The following ACOT12 variants were observed in gnomAD, a reference collection of about 807,000 sequenced individuals.
ACOT12 encodes the protein acetyl-coenzyme A thioesterase.
In ACOT12, 51 loss-of-function variants were observed where a neutral mutation model predicts 67.7. That is an observed-to-expected ratio of 0.75 (90% CI 0.60 to 0.95). The LOEUF is 0.95. ACOT12 is among the 40% of genes least tolerant of loss of function. ACOT12 has a pLI of 0.00. For synonymous variants in ACOT12, 251 were observed against 244.6 expected, an observed-to-expected ratio of 1.03 and a Z score of -0.24; for missense variants, 734 against 708.1, an observed-to-expected ratio of 1.04 and a Z score of -0.41.
At chr5:81,334,191 C>T (rs1169893777) in intron 12 of ACOT12, among the ~76,000 whole-genome samples, 2 of 152,184 alleles carry the variant, frequency 1.3e-5, no homozygotes, top group African/African-American at 4.8e-5. Flanking sequence ...TCCAAGGCCA[C>T]GCGTGAGCCG....
At chr5:81,323,682 G>C in the ACOT12 span, among the ~76,000 whole-genome samples, 3 of 151,948 alleles carry the variant, frequency 2.0e-5, no homozygotes, top group Non-Finnish European at 2.9e-5. Flanking sequence ...TGAGACTGTG[G>C]CTCTTACCCT....
At chr5:81,373,563 T>G (rs1214106766) in intron 2 of ACOT12, among the ~76,000 whole-genome samples, 1 of 151,710 alleles carries the variant, frequency 6.6e-6, no homozygotes, top group East Asian at 1.9e-4. Context: ...GGGAGCCGAG[T>G]GGTCTGGCTT....
chr5:81,368,496 TTC>T, intron 3 of ACOT12, among the ~76,000 whole-genome samples: 1 of 152,232 alleles, frequency 6.6e-6, no homozygotes, highest in South Asian at 2.1e-4. Flanking sequence ...ACAAATTATG[TTC>T]TCTCTCTGCA....
intron 1 of ACOT12, among the ~76,000 whole-genome samples, chr5:81,391,270 C>T (rs1760857615): frequency 6.6e-6 from 1 of 152,218 alleles, no homozygotes; most frequent in Non-Finnish European, 1.5e-5. Context: ...AGTAGCTGTG[C>T]TTTTCCCAAA....
Position 81,335,786 on chromosome 5 carries a change from A to G in ACOT12, c.1244T>C (p.Leu415Ser), listed in dbSNP as rs1248416375. 1.2e-6 allele frequency: 2 copies of G among 1,609,228 alleles called. No homozygotes were observed. The highest frequency in any genetic ancestry group is 2.7e-5 in the African/African-American group (2 of 74,592). ...TTCTTACACAAAATGGGGGTCCCAC[A>G]AAGGTCGCTTTGTAAAGTCAGACAA... ...RLLSDFTKRP[L>S]WDPHFVSCEV... The change falls in exon 12 of 15, where the codon TTG becomes TCG. Residue 415 changes from leucine to serine, a missense_variant. Physicochemically the swap from Leu to Ser is moderately radical, Grantham distance 145. Transcript: ENST00000307624.
intron 5 of ACOT12, among the ~76,000 whole-genome samples, chr5:81,357,872 G>A (rs1759768569): frequency 6.6e-6 from 1 of 151,980 alleles, no homozygotes; most frequent in Non-Finnish European, 1.5e-5. Context: ...TGGGCGTGGT[G>A]GCGCATGCCT....
At chr5:81,332,172 T>A (rs1336069501) in intron 13 of ACOT12, among the ~76,000 whole-genome samples, 1 of 152,222 alleles carries the variant, frequency 6.6e-6, no homozygotes, top group Non-Finnish European at 1.5e-5. Flanking sequence ...TGATGTCTTA[T>A]TTGGCTTCCA....
intron 2 of ACOT12, among the ~76,000 whole-genome samples, chr5:81,373,347 C>G (rs1042750007): frequency 6.6e-6 from 1 of 152,228 alleles, no homozygotes; most frequent in Admixed American, 6.5e-5. Context: ...AGATACTGAG[C>G]TTTTCCCATG....
chr5:81,357,225 T>TA lies in ACOT12; in HGVS notation c.496+2677dup, dbSNP rs369515342. Among the ~76,000 whole-genome samples, 238 of 152,286 alleles carry TA rather than the reference T, an allele frequency of 1.6e-3. 1 individual carries two copies. The highest frequency in any genetic ancestry group is 5.5e-3 in the African/African-American group (230 of 41,572). Reference sequence around the variant, plus strand: ...CCTTCCTCTGGGCTCCCACATTACTTAGAGTCTACAGCTCTCTATTCACTT... The same window carrying TA: ...CCTTCCTCTGGGCTCCCACATTACTTAAGAGTCTACAGCTCTCTATTCACTT... On this transcript the variant is annotated intron_variant, in intron 5 of 14. Transcript: ENST00000307624.
intron 5 of ACOT12, among the ~76,000 whole-genome samples, chr5:81,356,187 C>A (rs1231559281): frequency 6.6e-6 from 1 of 152,164 alleles, no homozygotes; most frequent in Non-Finnish European, 1.5e-5. Flanking sequence ...TTAAGGTCAT[C>A]CAAGTGTCTC....
At chr5:81,367,453 T>A (rs1293135227) in intron 3 of ACOT12, among the ~76,000 whole-genome samples, 1 of 152,224 alleles carries the variant, frequency 6.6e-6, no homozygotes, top group African/African-American at 2.4e-5. Flanking sequence ...GTGTGTGTAC[T>A]GTTATAAGGT....
intron 11 of ACOT12, among the ~76,000 whole-genome samples, chr5:81,340,187 G>A (rs975829616): frequency 4.6e-5 from 7 of 151,568 alleles, no homozygotes; most frequent in African/African-American, 1.7e-4. Context: ...ACAGGTGCCC[G>A]CCATGACACC....
chr5:81,385,463 A>T (rs1435704797), intron 2 of ACOT12, among the ~76,000 whole-genome samples: 1 of 152,042 alleles, frequency 6.6e-6, no homozygotes, highest in Non-Finnish European at 1.5e-5. Flanking sequence ...TGAGACAATT[A>T]AAAAAAGGAG....
At position 81,335,815 on chromosome 5, in the gene ACOT12, A is replaced by C. The variant is rs770470580; in HGVS notation, c.1215T>G (p.Arg405=). 7.4e-6 allele frequency: 12 copies of C among 1,614,100 alleles called. No homozygotes were observed. Among genetic ancestry groups the C allele is most frequent in the Non-Finnish European group, 1.0e-5 (12 of 1,179,996 alleles). Residue 405 remains arginine (R), a synonymous_variant, in exon 12 of 15, where the codon CGT becomes CGG. Coordinates refer to ENST00000307624, the MANE Select transcript of ACOT12 (RefSeq NM_130767.3). ...HVGSPAHLAY[R]LLSDFTKRPL... The stretch of plus-strand genomic sequence containing the variant: ...GTCGCTTTGTAAAGTCAGACAAGAG[A>C]CGATAAGCCAAATGTGCTGGACTTC...
chr5:81,385,957 C>T, intron 1 of ACOT12, 131 bp from the exon 2 acceptor site: 1 of 757,034 alleles, frequency 1.3e-6, no homozygotes, highest in Non-Finnish European at 2.2e-6. Context: ...ACCACTGTGC[C>T]TACACTTTCT....
the ACOT12 span, among the ~76,000 whole-genome samples, chr5:81,324,567 G>A: frequency 2.0e-5 from 3 of 152,174 alleles, no homozygotes; most frequent in Non-Finnish European, 2.9e-5. Flanking sequence ...CCCAGATACT[G>A]GTTAGACTCA....
intron 11 of ACOT12, among the ~76,000 whole-genome samples, chr5:81,337,278 A>G (rs1759034877): frequency 6.6e-6 from 1 of 152,230 alleles, no homozygotes; most frequent in African/African-American, 2.4e-5. Flanking sequence ...CCATAGTGCC[A>G]GTCCTAATCT....
At chr5:81,322,792 G>A in the ACOT12 span, among the ~76,000 whole-genome samples, 2 of 152,176 alleles carry the variant, frequency 1.3e-5, no homozygotes, top group Non-Finnish European at 2.9e-5. Context: ...CTTCTTCACA[G>A]GGCAGAGGAT....
intron 2 of ACOT12, among the ~76,000 whole-genome samples, chr5:81,379,434 C>T (rs899446288): frequency 6.6e-6 from 1 of 151,972 alleles, no homozygotes; most frequent in Admixed American, 6.6e-5. Flanking sequence ...ACCTATGTAA[C>T]AAACCTGCAC....
Sources: allele counts gnomAD v4.1 joint callset (sites outside exome capture counted in the v4.1 genomes callset), GRCh38; gene constraint gnomAD v4.1.1; transcripts MANE v1.5; gene names NCBI Gene and HGNC (gene_info 2026-07-23, HGNC 2026-07-21).